RYR2: variants seen among roughly 807,000 people sequenced by gnomAD.
The protein encoded by RYR2 is cardiac muscle ryanodine receptor-calcium release channel.
RYR2 carries 227 observed loss-of-function variants against 601.1 expected under a neutral mutation model. That is an observed-to-expected ratio of 0.38 (90% CI 0.34 to 0.42). The LOEUF is 0.42. RYR2 is among the 10% of genes least tolerant of loss of function. The pLI is 1.00. For missense variants in RYR2, 4,646 were observed against 6,156.5 expected, an observed-to-expected ratio of 0.75 and a Z score of 8.21; for synonymous variants, 2,223 against 2,175.1, an observed-to-expected ratio of 1.02 and a Z score of -0.61.
chr1:237,814,582 T>C (rs1352673514), intron 100 of RYR2, among the ~76,000 whole-genome samples: 2 of 151,954 alleles, frequency 1.3e-5, no homozygotes, highest in Non-Finnish European at 2.9e-5. Context: ...ATTAGGATGT[T>C]TTGAGCCTGA....
chr1:237,372,900 T>A (rs1307738024), intron 6 of RYR2, among the ~76,000 whole-genome samples: 1 of 152,202 alleles, frequency 6.6e-6, no homozygotes, highest in African/African-American at 2.4e-5. Flanking sequence ...GATATAGTAG[T>A]GAATAAGACC....
chr1:237,165,747 G>A lies in RYR2; in HGVS notation c.49-104750G>A, dbSNP rs535247419. Among the ~76,000 whole-genome samples, 406 of 152,174 alleles carry A rather than the reference G, an allele frequency of 2.7e-3. 1 individual carries two copies. Among genetic ancestry groups the A allele is most frequent in the South Asian group, 1.0e-2 (48 of 4,810 alleles). On this transcript the variant is annotated intron_variant, in intron 1 of 104. Transcript: ENST00000366574. ...CCAGGCATGGTGAGAAGTGCCTGTA[G>A]TCCCAGCTACTTGAGAGGCTGAGGC...
At chr1:237,078,705 G>C (rs1218335347) in intron 1 of RYR2, among the ~76,000 whole-genome samples, 2 of 132,838 alleles carry the variant, frequency 1.5e-5, no homozygotes, top group Non-Finnish European at 3.2e-5. Flanking sequence ...GGTACAAGGA[G>C]GAACTGGCAC....
chr1:237,543,805 G>A lies in RYR2; in HGVS notation c.2907-4626G>A, dbSNP rs150959316. On this transcript the variant is annotated intron_variant, in intron 25 of 104. Transcript: ENST00000366574. Reference sequence around the variant, plus strand: ...TGGCCCTTTAATTACATTACACTGAGCCCTTGTTTCAAAGACTCATCTGGA... The same window carrying A: ...TGGCCCTTTAATTACATTACACTGAACCCTTGTTTCAAAGACTCATCTGGA... Among the ~76,000 whole-genome samples the A allele has an allele frequency of 3.5e-4, 54 of 152,236 alleles. No homozygotes were observed. The East Asian group carries it at 6.2e-3, about 17-fold the overall frequency.
rs1688598618 is a variant in RYR2 at position 237,262,245 on chromosome 1, G to GGT, written c.49-8252_49-8251insGT. On this transcript the variant is annotated intron_variant, in intron 1 of 104. Coordinates refer to ENST00000366574, the MANE Select transcript of RYR2 (RefSeq NM_001035.3). ...AAATATTAGATCTCTGTTCTAAAGA[G>GGT]TTTTTTTTTTTTTTTTTTTTTTTTT... is the stretch of plus-strand genomic sequence containing the variant. 3.3e-5 allele frequency among the ~76,000 whole-genome samples: 2 copies of GGT among 61,106 alleles called. 1 individual carries two copies. The highest frequency in any genetic ancestry group is 1.8e-3 in the South Asian group (2 of 1,126). 40.1% of individuals were successfully genotyped at this position (61,106 alleles called of 152,430 possible).
At chr1:237,057,801 C>T (rs1228755861) in intron 1 of RYR2, among the ~76,000 whole-genome samples, 1 of 152,222 alleles carries the variant, frequency 6.6e-6, no homozygotes, top group East Asian at 1.9e-4. Context: ...CCCACCAACA[C>T]ACATCACCAT....
chr1:237,668,347 C>A (rs1207125039), intron 58 of RYR2, among the ~76,000 whole-genome samples: 9 of 152,158 alleles, frequency 5.9e-5, no homozygotes, highest in Admixed American at 5.2e-4. Context: ...CTGTCTCTTA[C>A]ATGCTTTTGC....
At chr1:237,828,656 C>A (rs971086943) in intron 102 of RYR2, among the ~76,000 whole-genome samples, 1 of 152,170 alleles carries the variant, frequency 6.6e-6, no homozygotes, top group African/African-American at 2.4e-5. Flanking sequence ...ATGCAAACAG[C>A]GATAGGACAC....
At chr1:237,417,891 A>G (rs1342452628) in intron 11 of RYR2, among the ~76,000 whole-genome samples, 1 of 152,146 alleles carries the variant, frequency 6.6e-6, no homozygotes, top group East Asian at 1.9e-4. Context: ...CAATGTGTTT[A>G]CTTCCTAGTA....
At chr1:237,713,942 GT>G (rs985698831) in intron 71 of RYR2, among the ~76,000 whole-genome samples, 120 of 144,806 alleles carry the variant, frequency 8.3e-4, no homozygotes, top group Middle Eastern at 3.6e-3. Flanking sequence ...CTTTTTATAG[GT>G]TTTTTTTTTT....
intron 80 of RYR2, among the ~76,000 whole-genome samples, chr1:237,744,604 C>T (rs995983004): frequency 8.6e-5 from 13 of 151,684 alleles, no homozygotes; most frequent in Admixed American, 2.0e-4. Context: ...TGCAGTGAGC[C>T]GAGATTGCTC....
intron 80 of RYR2, among the ~76,000 whole-genome samples, chr1:237,745,614 C>T (rs1372663465): frequency 6.6e-6 from 1 of 152,016 alleles, no homozygotes; most frequent in Non-Finnish European, 1.5e-5. Context: ...AAAAGAAGTC[C>T]GAAAGACGAC....
intron 1 of RYR2, among the ~76,000 whole-genome samples, chr1:237,053,777 A>G (rs951505738): frequency 3.9e-5 from 6 of 152,172 alleles, no homozygotes; most frequent in African/African-American, 1.4e-4. Flanking sequence ...ACAATCAGAA[A>G]ACCGTCAGAG....
At chr1:237,442,932 C>A (rs1708036499) in intron 13 of RYR2, among the ~76,000 whole-genome samples, 1 of 152,306 alleles carries the variant, frequency 6.6e-6, no homozygotes, top group Admixed American at 6.5e-5. Context: ...AAAACGCACA[C>A]TTAAATTGTT....
At position 237,588,162 on chromosome 1, in the gene RYR2, A is replaced by G. The variant is rs540939562; in HGVS notation, c.3599-1631A>G. 1.1e-4 allele frequency among the ~76,000 whole-genome samples: 16 copies of G among 152,262 alleles called. No individual in the cohort carries two copies. The East Asian group carries it at 3.1e-3, about 29-fold the overall frequency. On this transcript the variant is annotated intron_variant, in intron 29 of 104. Transcript: ENST00000366574. ...TTTTTTTAGTTTTAACTAGAAACTC[A>G]TCATTTACTCTTCCTTGAACACAGC...
chr1:237,761,347 G>A (rs956872676), intron 84 of RYR2, among the ~76,000 whole-genome samples: 1 of 152,152 alleles, frequency 6.6e-6, no homozygotes, highest in Non-Finnish European at 1.5e-5. Context: ...AAACCACATA[G>A]ATGAACCTTT....
intron 1 of RYR2, among the ~76,000 whole-genome samples, chr1:237,155,155 G>T (rs1675163774): frequency 1.4e-5 from 2 of 147,696 alleles, no homozygotes; most frequent in South Asian, 4.3e-4. Context: ...ACTGAATAAT[G>T]GTATATATAT....
intron 42 of RYR2, among the ~76,000 whole-genome samples, chr1:237,632,372 G>A (rs1449173650): frequency 1.3e-5 from 2 of 148,170 alleles, no homozygotes; most frequent in East Asian, 2.0e-4. Context: ...ATTTGTTGTA[G>A]AATTCTAAAG....
At chr1:237,638,707 C>T (rs1033107121) in intron 45 of RYR2, among the ~76,000 whole-genome samples, 5 of 152,088 alleles carry the variant, frequency 3.3e-5, no homozygotes, top group African/African-American at 1.2e-4. Context: ...CATCTAAGTT[C>T]TCCTAAATTT....
Sources: gnomAD v4.1 joint callset for allele counts (sites outside exome capture counted in the v4.1 genomes callset) on GRCh38, gnomAD v4.1.1 for gene constraint, MANE v1.5 for transcripts, NCBI Gene and HGNC (gene_info 2026-07-23, HGNC 2026-07-21) for gene names.